STAT3: variants seen among roughly 807,000 people sequenced by gnomAD.
STAT3 encodes DNA-binding protein APRF.
In STAT3, 7 loss-of-function variants were observed where a neutral mutation model predicts 114.3. The observed-to-expected ratio is 0.06, with a 90% confidence interval of 0.03 to 0.11. STAT3 has a LOEUF of 0.11. Among genes scored for constraint, STAT3 ranks in the 10% least tolerant of loss-of-function variants. The pLI, the probability that STAT3 is intolerant of heterozygous loss-of-function variation, is 1.00. For synonymous variants in STAT3, 331 were observed against 354.5 expected, an observed-to-expected ratio of 0.93 and a Z score of 0.74; for missense variants, 364 against 960.9, an observed-to-expected ratio of 0.38 and a Z score of 8.21.
In STAT3 at chr17:42,325,415, C is replaced by CA. The variant is rs561014032; in HGVS notation, c.1366-355dup. On this transcript the variant is annotated intron_variant, in intron 15 of 23. Coordinates refer to ENST00000264657, the MANE Select transcript of STAT3 (RefSeq NM_139276.3). ...CATGAAACAGGGAGGTCTCAGGAAT[C>CA]AAAGACCAGGATTCCTGCTTTTCTA... Among the ~76,000 whole-genome samples, 7 of 152,248 alleles carry CA rather than the reference C, an allele frequency of 4.6e-5. No individual in the cohort carries two copies. In the East Asian group the frequency reaches 1.3e-3, roughly 29 times the overall value.
At chr17:42,361,838 T>C (rs2145166727) in intron 1 of STAT3, among the ~76,000 whole-genome samples, 1 of 152,288 alleles carries the variant, frequency 6.6e-6, no homozygotes, top group African/African-American at 2.4e-5. Flanking sequence ...AGACAAGTGA[T>C]AGTTTGATTT....
chr17:42,356,969 G>T (rs2083258736), intron 1 of STAT3, among the ~76,000 whole-genome samples: 1 of 151,922 alleles, frequency 6.6e-6, no homozygotes, highest in Admixed American at 6.6e-5. Flanking sequence ...TGTATTTTTA[G>T]TAGAGACGGC....
intron 22 of STAT3, 75 bp from the exon 23 acceptor site, chr17:42,316,976 A>C: frequency 6.4e-7 from 1 of 1,559,870 alleles, no homozygotes; most frequent in South Asian, 1.2e-5. Context: ...AAAAGAACAA[A>C]ACACACACAC....
intron 14 of STAT3, among the ~76,000 whole-genome samples, chr17:42,328,177 A>G (rs948926400): frequency 2.0e-5 from 3 of 152,220 alleles, no homozygotes; most frequent in African/African-American, 7.2e-5. Flanking sequence ...CAGCAGCACT[A>G]ATACACATAG....
At chr17:42,322,033 C>T (rs2081505969) in intron 21 of STAT3, among the ~76,000 whole-genome samples, 1 of 152,074 alleles carries the variant, frequency 6.6e-6, no homozygotes, top group Non-Finnish European at 1.5e-5. Flanking sequence ...CCATATTGCC[C>T]AGGCTGTATC....
At chr17:42,347,085 G>A (rs895107980) in intron 2 of STAT3, among the ~76,000 whole-genome samples, 2 of 151,444 alleles carry the variant, frequency 1.3e-5, no homozygotes, top group African/African-American at 4.9e-5. Context: ...CTACTCGGGA[G>A]GCTGAGGCGG....
chr17:42,313,544 G>C lies in STAT3; in HGVS notation c.*2201C>G, dbSNP rs1347802112. On this transcript the variant is annotated 3_prime_UTR_variant, in exon 24 of 24. Coordinates refer to ENST00000264657, the MANE Select transcript of STAT3 (RefSeq NM_139276.3). ...GGATTCCCTCGGCTGGGCTGGGGAT[G>C]GGGAGGGGGCAGTGGACAGGAAGCG... The C allele has an allele frequency of 8.6e-6, 2 of 231,240 alleles. No individual in the cohort carries two copies. Among genetic ancestry groups the C allele is most frequent in the East Asian group, 6.1e-5 (1 of 16,438 alleles). 14.3% of individuals were successfully genotyped at this position (231,240 alleles called of 1,614,324 possible).
At chr17:42,356,787 ATTG>A (rs1384156105) in intron 1 of STAT3, among the ~76,000 whole-genome samples, 3 of 151,028 alleles carry the variant, frequency 2.0e-5, no homozygotes, top group African/African-American at 4.9e-5. Flanking sequence ...ATGTTTTGTT[ATTG>A]TTGTTGTTGT....
chr17:42,340,812 C>T (rs879363242), intron 4 of STAT3, among the ~76,000 whole-genome samples: 1 of 152,150 alleles, frequency 6.6e-6, no homozygotes, highest in Non-Finnish European at 1.5e-5. Flanking sequence ...CTTCAAAGAA[C>T]CCAGCACCTA....
intron 1 of STAT3, among the ~76,000 whole-genome samples, chr17:42,379,083 G>A (rs1020124488): frequency 6.6e-6 from 1 of 152,066 alleles, no homozygotes; most frequent in African/African-American, 2.4e-5. Flanking sequence ...CCTAAATTGG[G>A]CTTACCTTCA....
chr17:42,349,508 A>T (rs929945388), intron 1 of STAT3, among the ~76,000 whole-genome samples: 1 of 152,240 alleles, frequency 6.6e-6, no homozygotes, highest in Non-Finnish European at 1.5e-5. Flanking sequence ...CTACAGGTTT[A>T]AAAGTATAAA....
At chr17:42,348,795 A>C (rs897008811) in intron 1 of STAT3, among the ~76,000 whole-genome samples, 1 of 150,740 alleles carries the variant, frequency 6.6e-6, no homozygotes, top group African/African-American at 2.4e-5. Flanking sequence ...CAAAGTGCTG[A>C]GATTACAGGC....
chr17:42,367,292 T>C (rs1483685440), intron 1 of STAT3, among the ~76,000 whole-genome samples: 3 of 151,988 alleles, frequency 2.0e-5, no homozygotes, highest in South Asian at 2.1e-4. Context: ...TGAGCCGAGA[T>C]TGCGCCACTG....
At chr17:42,361,614 G>A (rs1191115531) in intron 1 of STAT3, among the ~76,000 whole-genome samples, 1 of 151,966 alleles carries the variant, frequency 6.6e-6, no homozygotes, top group Admixed American at 6.6e-5. Flanking sequence ...CTCTGAATAC[G>A]CCTCAGAATC....
intron 1 of STAT3, among the ~76,000 whole-genome samples, chr17:42,371,187 G>C (rs1212036702): frequency 6.6e-6 from 1 of 152,114 alleles, no homozygotes; most frequent in Non-Finnish European, 1.5e-5. Context: ...GTCAGACAGG[G>C]AGAGAGGCAC....
At chr17:42,334,724 T>G (rs1253817842) in intron 8 of STAT3, among the ~76,000 whole-genome samples, 1 of 152,156 alleles carries the variant, frequency 6.6e-6, no homozygotes, top group African/African-American at 2.4e-5. Flanking sequence ...GCATTACAGG[T>G]GTGAGCCACC....
intron 1 of STAT3, chr17:42,388,028 C>T (rs781741502): frequency 2.4e-6 from 1 of 412,260 alleles, no homozygotes; most frequent in Non-Finnish European, 4.1e-6. Context: ...CCTCGCCCCA[C>T]GGTGCCCCCT....
chr17:42,362,886 C>T (rs1035094821), intron 1 of STAT3, among the ~76,000 whole-genome samples: 3 of 152,178 alleles, frequency 2.0e-5, no homozygotes, highest in African/African-American at 7.2e-5. Context: ...CTCAAAAACA[C>T]CAGGCTCCTG....
chr17:42,345,822 G>GTA (rs2082675102), intron 3 of STAT3, among the ~76,000 whole-genome samples, 165 bp from the exon 4 acceptor site: 1 of 151,546 alleles, frequency 6.6e-6, no homozygotes, highest in Non-Finnish European at 1.5e-5. Flanking sequence ...GTCGGCGGGG[G>GTA]GCGAAGGGGA....
Sources: allele counts gnomAD v4.1 joint callset (sites outside exome capture counted in the v4.1 genomes callset), GRCh38; gene constraint gnomAD v4.1.1; transcripts MANE v1.5; gene names NCBI Gene and HGNC (gene_info 2026-07-23, HGNC 2026-07-21).